Variants in SPAG16 observed in about 807,000 individuals in gnomAD.
SPAG16 encodes sperm associated antigen 16, also known as sperm-associated antigen 16 protein.
Under a neutral mutation model 80.4 loss-of-function variants are expected in SPAG16, and 86 were observed. The ratio of observed to expected loss-of-function variants is 1.07; its 90% confidence interval spans 0.90 to 1.28. The LOEUF (loss-of-function observed/expected upper bound fraction) is 1.28, where lower values mean the gene tolerates loss of function less well. Ranked by LOEUF, SPAG16 falls within the 50% of genes most tolerant of loss-of-function variation. The pLI, the probability that SPAG16 is intolerant of heterozygous loss-of-function variation, is 0.00. For synonymous variants in SPAG16, 294 were observed against 265.9 expected, an observed-to-expected ratio of 1.11 and a Z score of -1.03; for missense variants, 870 against 765.3, an observed-to-expected ratio of 1.14 and a Z score of -1.61.
At chr2:213,556,848 C>T (rs2059441967) in intron 10 of SPAG16, among the ~76,000 whole-genome samples, 1 of 152,036 alleles carries the variant, frequency 6.6e-6, no homozygotes, top group Non-Finnish European at 1.5e-5. Flanking sequence ...TGCTAGGCTA[C>T]AAAATAAGTC....
At chr2:213,527,196 T>C (rs1338189484) in intron 10 of SPAG16, among the ~76,000 whole-genome samples, 2 of 152,200 alleles carry the variant, frequency 1.3e-5, no homozygotes, top group Admixed American at 1.3e-4. Flanking sequence ...GTAAAGTTTC[T>C]ACCAGTCTGC....
intron 10 of SPAG16, among the ~76,000 whole-genome samples, chr2:213,690,112 T>G (rs1410514650): frequency 3.9e-5 from 6 of 152,216 alleles, no homozygotes; most frequent in African/African-American, 9.6e-5. Context: ...CATGATTTTG[T>G]CTTAGAACAT....
chr2:213,888,361 A>G (rs4673775), intron 11 of SPAG16, among the ~76,000 whole-genome samples: 89,502 of 151,004 alleles, frequency 0.59, 28,354 homozygotes, highest in South Asian at 0.85. Flanking sequence ...GGCCACTTCT[A>G]TATGGTTTTG....
chr2:214,114,202 T>C (rs921872076), intron 14 of SPAG16, among the ~76,000 whole-genome samples: 14 of 152,272 alleles, frequency 9.2e-5, no homozygotes, highest in African/African-American at 3.4e-4. Flanking sequence ...TCTGGAAGCT[T>C]TGTCCTAGAG....
chr2:213,887,656 A>C (rs72944993), intron 11 of SPAG16, among the ~76,000 whole-genome samples: 28,998 of 151,418 alleles, frequency 0.19, 3,552 homozygotes, highest in South Asian at 0.32. Flanking sequence ...AATTTTTAGC[A>C]AAATATTGTA....
In SPAG16 at chr2:213,316,279, C is replaced by T. The variant is rs182003836; in HGVS notation, c.399-940C>T. 2.9e-4 allele frequency among the ~76,000 whole-genome samples: 44 copies of T among 152,112 alleles called. 1 individual carries two copies. In the East Asian group the frequency reaches 7.3e-3, roughly 25 times the overall value. Reference sequence around the variant, plus strand: ...GCACTTGCCTTCTCTCATTTACCAACACCTGACAGTTGATCCATCAGAGAG... The same window carrying T: ...GCACTTGCCTTCTCTCATTTACCAATACCTGACAGTTGATCCATCAGAGAG... On this transcript the variant is annotated intron_variant, in intron 4 of 15. Transcript: ENST00000331683.
chr2:214,314,966 A>G (rs1016895455), intron 15 of SPAG16, among the ~76,000 whole-genome samples: 2 of 152,122 alleles, frequency 1.3e-5, no homozygotes, highest in Non-Finnish European at 2.9e-5. Flanking sequence ...TATTAAAAAA[A>G]AAAAAGAAGG....
chr2:213,628,973 C>A (rs1345100698), intron 10 of SPAG16, among the ~76,000 whole-genome samples: 2 of 151,918 alleles, frequency 1.3e-5, no homozygotes, highest in East Asian at 3.9e-4. Context: ...CCTCAAAATA[C>A]CTAAGAAAAA....
intron 10 of SPAG16, among the ~76,000 whole-genome samples, chr2:213,637,406 TTTG>T (rs762063385): frequency 2.6e-5 from 4 of 152,212 alleles, no homozygotes; most frequent in Admixed American, 2.0e-4. Context: ...GTTTTCTTTC[TTTG>T]TTATGTCCTT....
At chr2:214,005,271 T>G (rs189968401) in intron 12 of SPAG16, among the ~76,000 whole-genome samples, 1 of 152,300 alleles carries the variant, frequency 6.6e-6, no homozygotes, top group Non-Finnish European at 1.5e-5. Flanking sequence ...CAAGGCTGAG[T>G]GAGGACTTGA....
chr2:213,859,190 A>C (rs2075310822), intron 10 of SPAG16, among the ~76,000 whole-genome samples: 2 of 125,796 alleles, frequency 1.6e-5, no homozygotes, highest in Admixed American at 1.6e-4. Flanking sequence ...AAAAAAAAAA[A>C]AAAAAAAAAA....
chr2:214,007,784 A>G (rs1009080062), intron 12 of SPAG16, among the ~76,000 whole-genome samples: 3 of 152,132 alleles, frequency 2.0e-5, no homozygotes, highest in Non-Finnish European at 4.4e-5. Flanking sequence ...ACAGTTGACT[A>G]TTATATACTT....
intron 9 of SPAG16, among the ~76,000 whole-genome samples, chr2:213,468,734 A>C (rs1196576258): frequency 1.3e-5 from 2 of 149,340 alleles, no homozygotes; most frequent in Non-Finnish European, 3.0e-5. Context: ...GTATATATAT[A>C]TCTCCTACAT....
At chr2:214,274,727 A>T (rs1692315024) in intron 15 of SPAG16, among the ~76,000 whole-genome samples, 1 of 152,132 alleles carries the variant, frequency 6.6e-6, no homozygotes, top group Non-Finnish European at 1.5e-5. Flanking sequence ...TTTTGCATCG[A>T]TGTTCATCAG....
chr2:213,878,049 A>G (rs1316719594), intron 11 of SPAG16, among the ~76,000 whole-genome samples: 2 of 152,168 alleles, frequency 1.3e-5, no homozygotes, highest in Non-Finnish European at 2.9e-5. Flanking sequence ...TTGCCATAGT[A>G]GCTGATAGAA....
intron 14 of SPAG16, 77 bp from the exon 15 acceptor site, chr2:214,149,063 A>ATG (rs137952160): frequency 0.018 from 3,727 of 210,464 alleles, 9 homozygotes; most frequent in South Asian, 0.07. Context: ...GTATATATAT[A>ATG]TGTGTGTGTG....
chr2:213,430,597 A>G (rs923781274), intron 9 of SPAG16, among the ~76,000 whole-genome samples: 4 of 152,210 alleles, frequency 2.6e-5, no homozygotes, highest in Non-Finnish European at 4.4e-5. Context: ...AAGTGACTGA[A>G]CTTACATATC....
At chr2:213,596,905 G>A (rs1433363023) in intron 10 of SPAG16, among the ~76,000 whole-genome samples, 1 of 152,034 alleles carries the variant, frequency 6.6e-6, no homozygotes, top group African/African-American at 2.4e-5. Flanking sequence ...AGAAAATATA[G>A]GGTCAGTTAT....
At chr2:213,291,622 T>C (rs139226804) in intron 1 of SPAG16, among the ~76,000 whole-genome samples, 335 of 152,360 alleles carry the variant, frequency 2.2e-3, no homozygotes, top group Middle Eastern at 0.01. Flanking sequence ...GATTTACCTG[T>C]TATTAATATA....
Sources: gnomAD v4.1 joint callset for allele counts (sites outside exome capture counted in the v4.1 genomes callset) on GRCh38, gnomAD v4.1.1 for gene constraint, MANE v1.5 for transcripts, NCBI Gene and HGNC (gene_info 2026-07-23, HGNC 2026-07-21) for gene names.